The following CD99L2 variants were observed in gnomAD, a reference collection of about 807,000 sequenced individuals.
The protein encoded by CD99L2 is CD99 antigen-like protein 2.
CD99L2 carries 24 observed loss-of-function variants against 27.3 expected under a neutral mutation model. The observed-to-expected ratio is 0.88, with a 90% confidence interval of 0.64 to 1.24. CD99L2 has a LOEUF of 1.24. CD99L2 is among the 50% of genes most tolerant of loss of function. The pLI is 0.00. For missense variants in CD99L2, 255 were observed against 221.6 expected, an observed-to-expected ratio of 1.15 and a Z score of -0.96; for synonymous variants, 97 against 87.9, an observed-to-expected ratio of 1.10 and a Z score of -0.58.
chrX:150,864,085 G>A (rs2047022938), intron 1 of CD99L2, among the ~76,000 whole-genome samples: 1 of 112,074 alleles, frequency 8.9e-6, no homozygotes, highest in Non-Finnish European at 1.9e-5. Context: ...AGCAGCCCTA[G>A]GAAAGCTGTA....
chrX:150,898,103 A>G (rs2047646746), intron 1 of CD99L2, among the ~76,000 whole-genome samples: 1 of 88,375 alleles, frequency 1.1e-5, no homozygotes, highest in African/African-American at 4.3e-5. Flanking sequence ...TCCCGATGAA[A>G]GGGGCTAGGA....
chrX:150,860,986 C>T (rs781847249), intron 1 of CD99L2, among the ~76,000 whole-genome samples: 1 of 108,093 alleles, frequency 9.3e-6, no homozygotes, highest in South Asian at 4.2e-4. Context: ...CTATAAAACA[C>T]AAAAAATTAG....
intron 1 of CD99L2, among the ~76,000 whole-genome samples, chrX:150,889,002 T>C (rs1361730346): frequency 8.9e-6 from 1 of 112,635 alleles, no homozygotes; most frequent in Non-Finnish European, 1.9e-5. Context: ...TATGCAGCAA[T>C]AGGCGACAGC....
Position 150,890,102 on chromosome X carries a change from G to A in CD99L2, c.67+8420C>T, listed in dbSNP as rs1477485993. Among the ~76,000 whole-genome samples the A allele has an allele frequency of 2.9e-4, 32 of 109,429 alleles. No homozygotes were observed. In the Admixed American group the frequency reaches 3.0e-3, roughly 10 times the overall value. ...CGGGAGGCGGAGTTTGCAGTGAGCC[G>A]AGATCGCACCACTGCACTCCAGACT... On this transcript the variant is annotated intron_variant, in intron 1 of 10. Transcript: ENST00000370377.
At chrX:150,796,199 G>A (rs1363142217) in intron 4 of CD99L2, among the ~76,000 whole-genome samples, 3 of 112,247 alleles carry the variant, frequency 2.7e-5, no homozygotes, top group Non-Finnish European at 5.6e-5. Context: ...TGTATCTGGG[G>A]AAAAAACCTA....
intron 3 of CD99L2, among the ~76,000 whole-genome samples, chrX:150,815,410 AAG>A (rs1388126708): frequency 8.9e-6 from 1 of 111,927 alleles, no homozygotes; most frequent in East Asian, 2.8e-4. Context: ...GTCTCTTCGG[AAG>A]AAAGGTAGCT....
intron 1 of CD99L2, among the ~76,000 whole-genome samples, chrX:150,884,968 A>G (rs2047385786): frequency 8.9e-6 from 1 of 112,624 alleles, no homozygotes; most frequent in African/African-American, 3.2e-5. Flanking sequence ...CTACAGTGAC[A>G]CACAACAGAT....
chrX:150,814,880 G>T lies in CD99L2; in HGVS notation c.259C>A (p.Pro87Thr), dbSNP rs782412229. The T allele has an allele frequency of 8.3e-7, 1 of 1,210,010 alleles. No homozygotes were observed. ...LDDQDDGRRK[P>T]GIGGRERWNH... ...GACTTACCTCTTCCTCCTATACCCG[G>T]TTTCCTGCGGCCATCATCTTGATCA... Residue 87 changes from proline to threonine, a missense_variant, in exon 4 of 11, where the codon CCG becomes ACG. Physicochemically the swap from Pro to Thr is conservative, Grantham distance 38 (BLOSUM62 -1). Transcript: ENST00000370377.
intron 1 of CD99L2, among the ~76,000 whole-genome samples, chrX:150,857,975 C>G (rs1317057967): frequency 9.0e-6 from 1 of 111,559 alleles, no homozygotes; most frequent in East Asian, 2.8e-4. Flanking sequence ...TACATATAGA[C>G]TGAAAGTAAA....
rs182076417 is a variant in CD99L2 at position 150,822,907 on chromosome X, G to A, written c.131-6829C>T. On this transcript the variant is annotated intron_variant, in intron 2 of 10. Coordinates refer to ENST00000370377, the MANE Select transcript of CD99L2 (RefSeq NM_031462.4). ...GAATTGTAGTTCTCATAATCCCCAC[G>A]TGTCATGGGAGGGACCCAGTGGGAG... Among the ~76,000 whole-genome samples the A allele has an allele frequency of 2.8e-3, 316 of 112,096 alleles. 2 individuals are homozygous for A. The highest frequency in any genetic ancestry group is 9.4e-3 in the African/African-American group (291 of 30,879).
At chrX:150,837,101 AG>A (rs1481318897) in intron 1 of CD99L2, among the ~76,000 whole-genome samples, 8 of 111,817 alleles carry the variant, frequency 7.2e-5, no homozygotes, top group Non-Finnish European at 1.3e-4. Flanking sequence ...CGTAGCAATG[AG>A]CACATCTAGC....
rs192597063 is a variant in CD99L2, at chrX:150,795,402, A to C, written c.346+16T>G. ...GGATCCTTGCCTTACTACTCTCCTC[A>C]GAGCGGCCACCTTACCTAAAGTATT... On this transcript the variant is annotated intron_variant, in intron 5 of 10. Coordinates refer to ENST00000370377, the MANE Select transcript of CD99L2 (RefSeq NM_031462.4). 5.8e-6 allele frequency: 7 copies of C among 1,209,409 alleles called. No individual in the cohort carries two copies. In the East Asian group the frequency reaches 2.1e-4, roughly 36 times the overall value.
chrX:150,769,080 G>C lies in CD99L2; in HGVS notation c.743C>G (p.Thr248Arg). 2 of 1,163,339 alleles carry C rather than the reference G, an allele frequency of 1.7e-6. No individual in the cohort carries two copies. The highest frequency in any genetic ancestry group is 1.1e-6 in the Non-Finnish European group (1 of 877,859). ...EPQVKYSTLH[T>R]QSAEPPPPPE... Reference sequence around the variant, plus strand: ...CGGCGGCGGCGGCTCTGCAGACTGCGTGTGCAACGTGGAGTATTTCACTAG... The same window carrying C: ...CGGCGGCGGCGGCTCTGCAGACTGCCTGTGCAACGTGGAGTATTTCACTAG... Residue 248 changes from threonine to arginine, a missense_variant, in exon 11 of 11, where the codon ACG becomes AGG. Physicochemically the swap from Thr to Arg is moderately conservative, Grantham distance 71 (BLOSUM62 -1). Transcript: ENST00000370377.
At chrX:150,791,488 T>C in intron 7 of CD99L2, among the ~76,000 whole-genome samples, 1 of 110,883 alleles carries the variant, frequency 9.0e-6, no homozygotes, top group Non-Finnish European at 1.9e-5. Flanking sequence ...GGAAAGAATG[T>C]TAAGGAGAAG....
intron 4 of CD99L2, among the ~76,000 whole-genome samples, chrX:150,802,592 T>C (rs1322111983): frequency 2.0e-5 from 2 of 100,563 alleles, no homozygotes; most frequent in African/African-American, 7.1e-5. Context: ...AATTTTTTTT[T>C]TTTTTTTGAG....
At chrX:150,829,034 A>G (rs2046402158) in intron 2 of CD99L2, 1 of 111,137 alleles carries the variant, frequency 9.0e-6, no homozygotes, top group Admixed American at 9.7e-5. Flanking sequence ...CTGGCTCCAC[A>G]AGGCACAGGT....
At chrX:150,885,452 C>A (rs1394586749) in intron 1 of CD99L2, among the ~76,000 whole-genome samples, 3 of 111,892 alleles carry the variant, frequency 2.7e-5, no homozygotes, top group African/African-American at 9.7e-5. Flanking sequence ...TTATATTTCA[C>A]AATACAGGTG....
At chrX:150,854,906 C>A (rs782685280) in intron 1 of CD99L2, among the ~76,000 whole-genome samples, 3 of 110,669 alleles carry the variant, frequency 2.7e-5, no homozygotes, top group Non-Finnish European at 5.7e-5. Context: ...CTGCTGCCCC[C>A]CCTCCCCCCG....
chrX:150,792,795 C>T (rs1557419750), intron 7 of CD99L2, among the ~76,000 whole-genome samples: 1 of 112,346 alleles, frequency 8.9e-6, no homozygotes, highest in African/African-American at 3.2e-5. Context: ...CAGGTTACAA[C>T]CACAAGTTAC....
Sources: gnomAD v4.1 joint callset for allele counts (sites outside exome capture counted in the v4.1 genomes callset) on GRCh38, gnomAD v4.1.1 for gene constraint, MANE v1.5 for transcripts, NCBI Gene and HGNC (gene_info 2026-07-23, HGNC 2026-07-21) for gene names.